MCF2: variants seen among roughly 807,000 people sequenced by gnomAD.
MCF2 encodes MCF.2 cell line derived transforming sequence.
Under a neutral mutation model 82.5 loss-of-function variants are expected in MCF2, and 44 were observed. That is an observed-to-expected ratio of 0.53 (90% CI 0.42 to 0.69). The LOEUF is 0.69. MCF2 is among the 30% of genes least tolerant of loss of function. The probability of loss-of-function intolerance (pLI) is 0.00; values close to 1 mark genes in which losing one functional copy is unlikely to be tolerated. For missense variants in MCF2, 623 were observed against 663.1 expected (o/e 0.94, Z 0.66); for synonymous variants, 217 against 224.9 (o/e 0.96, Z 0.32).
chrX:139,638,276 C>G (rs1406201269), intron 1 of MCF2, among the ~76,000 whole-genome samples: 1 of 111,491 alleles, frequency 9.0e-6, no homozygotes, highest in Non-Finnish European at 1.9e-5. Flanking sequence ...GAGGAATTTG[C>G]AGAAGTTATA....
At chrX:139,631,804 T>C (rs1217934740) in intron 2 of MCF2, among the ~76,000 whole-genome samples, 1 of 111,875 alleles carries the variant, frequency 8.9e-6, no homozygotes, top group Admixed American at 9.6e-5. Flanking sequence ...TCTAAAAGAA[T>C]GCTATGCTCA....
At chrX:139,700,039 C>G (rs1410472057) in intron 1 of MCF2, among the ~76,000 whole-genome samples, 2 of 111,483 alleles carry the variant, frequency 1.8e-5, no homozygotes, top group African/African-American at 6.5e-5. Context: ...TGTGTTCTTT[C>G]AGAGTCTGTT....
At chrX:139,694,873 T>C (rs1935350090) in intron 1 of MCF2, among the ~76,000 whole-genome samples, 1 of 109,545 alleles carries the variant, frequency 9.1e-6, no homozygotes, top group African/African-American at 3.3e-5. Flanking sequence ...GTTAAGCATA[T>C]CAGTTATCAA....
intron 1 of MCF2, among the ~76,000 whole-genome samples, chrX:139,684,181 C>T (rs1340338739): frequency 8.9e-6 from 1 of 112,326 alleles, no homozygotes; most frequent in South Asian, 3.7e-4. Flanking sequence ...TCCATGTAGA[C>T]ATTTATCCAA....
intron 9 of MCF2, 25 bp downstream of exon 12, chrX:139,616,257 T>TA (rs1460605989): frequency 2.1e-6 from 2 of 933,386 alleles, no homozygotes; most frequent in South Asian, 8.0e-5. Flanking sequence ...TTTAAATATT[T>TA]ATTTGAAAAT....
chrX:139,596,286 GA>G (rs1361451689), intron 19 of MCF2, among the ~76,000 whole-genome samples: 1 of 111,201 alleles, frequency 9.0e-6, no homozygotes, highest in African/African-American at 3.3e-5. Context: ...TGCTCTTCAG[GA>G]CGCTAGGGAG....
At chrX:139,645,947 TG>T (rs1457760367), upstream of MCF2, among the ~76,000 whole-genome samples, 4 of 111,624 alleles carry the variant, frequency 3.6e-5, no homozygotes, top group Non-Finnish European at 3.8e-5. Context: ...ACTGTAATCT[TG>T]GGTGTGGGAA....
intron 1 of MCF2, among the ~76,000 whole-genome samples, chrX:139,698,349 T>C (rs1316191869): frequency 2.7e-5 from 3 of 111,946 alleles, no homozygotes; most frequent in African/African-American, 9.7e-5. Context: ...AAAATTAGAG[T>C]CAGGAATAGG....
intron 1 of MCF2, among the ~76,000 whole-genome samples, chrX:139,668,998 A>AT (rs1217758096): frequency 8.9e-6 from 1 of 111,899 alleles, no homozygotes; most frequent in African/African-American, 3.2e-5. Flanking sequence ...CTTCTTATTT[A>AT]TACATTACAT....
At chrX:139,665,943 CAT>C (rs1370336580) in intron 1 of MCF2, among the ~76,000 whole-genome samples, 2 of 72,108 alleles carry the variant, frequency 2.8e-5, no homozygotes, top group South Asian at 7.2e-4. Flanking sequence ...ACACACAAAC[CAT>C]ATATATATGT....
At chrX:139,606,874 GTA>G (rs977567033) in intron 12 of MCF2, among the ~76,000 whole-genome samples, 44 of 106,818 alleles carry the variant, frequency 4.1e-4, no homozygotes, top group South Asian at 1.6e-3. Context: ...ATATGTGTCT[GTA>G]TATATATATA....
At chrX:139,631,321 A>C in intron 3 of MCF2, 74 bp downstream of exon 6, 1 of 590,567 alleles carries the variant, frequency 1.7e-6, no homozygotes, top group Non-Finnish European at 2.6e-6. Flanking sequence ...TCAAATAGGA[A>C]AGAATTCTAG....
At chrX:139,589,192 A>G (rs1368879750) in intron 20 of MCF2, among the ~76,000 whole-genome samples, 2 of 111,965 alleles carry the variant, frequency 1.8e-5, no homozygotes, top group African/African-American at 6.5e-5. Context: ...TGTTTGTTAA[A>G]TGATACCAAA....
At chrX:139,689,120 C>A (rs1935197115) in intron 1 of MCF2, among the ~76,000 whole-genome samples, 1 of 111,917 alleles carries the variant, frequency 8.9e-6, no homozygotes, top group Non-Finnish European at 1.9e-5. Flanking sequence ...TCCGCTCAGA[C>A]CTCTCCCCTT....
chrX:139,650,737 C>G (rs1488508633), intron 2 of MCF2, among the ~76,000 whole-genome samples: 1 of 111,938 alleles, frequency 8.9e-6, no homozygotes, highest in Non-Finnish European at 1.9e-5. Flanking sequence ...ATGGGTAATG[C>G]TATTTAGCGG....
chrX:139,676,498 C>G (rs1934866320), intron 1 of MCF2, among the ~76,000 whole-genome samples: 1 of 112,001 alleles, frequency 8.9e-6, no homozygotes, highest in Non-Finnish European at 1.9e-5. Flanking sequence ...TAAGCATTTC[C>G]TATAGAGGTC....
chrX:139,700,738 A>G (rs968902638), intron 1 of MCF2, among the ~76,000 whole-genome samples: 12 of 112,267 alleles, frequency 1.1e-4, no homozygotes, highest in African/African-American at 3.6e-4. Context: ...TTCATGCAAT[A>G]ATTAGTCTGT....
intron 19 of MCF2, among the ~76,000 whole-genome samples, chrX:139,592,020 C>A (rs747272695): frequency 5.4e-5 from 6 of 111,125 alleles, no homozygotes; most frequent in African/African-American, 1.6e-4. Flanking sequence ...GGAATGCTAG[C>A]AATTGCTTAA....
chrX:139,634,063 C>T (rs1437456256), intron 1 of MCF2, among the ~76,000 whole-genome samples: 1 of 111,201 alleles, frequency 9.0e-6, no homozygotes, highest in Non-Finnish European at 1.9e-5. Context: ...TTCATATACA[C>T]GTTAGGTTGG....
Sources: gnomAD v4.1 joint callset for allele counts (sites outside exome capture counted in the v4.1 genomes callset) on GRCh38, gnomAD v4.1.1 for gene constraint, MANE v1.5 for transcripts, NCBI Gene and HGNC (gene_info 2026-07-23, HGNC 2026-07-21) for gene names.